The following WWOX variants were observed in gnomAD, a reference collection of about 807,000 sequenced individuals.
WWOX encodes WW domain containing oxidoreductase, also known as WW domain-containing oxidoreductase.
In WWOX, 69 loss-of-function variants were observed where a neutral mutation model predicts 46.2. That is an observed-to-expected ratio of 1.49 (90% CI 1.23 to 1.82). The LOEUF (loss-of-function observed/expected upper bound fraction) is 1.82, where lower values mean the gene tolerates loss of function less well. Among genes scored for constraint, WWOX ranks in the 40% most tolerant of loss-of-function variants. The pLI, the probability that WWOX is intolerant of heterozygous loss-of-function variation, is 0.00. For missense variants in WWOX, 919 were observed against 542.6 expected, an observed-to-expected ratio of 1.69 and a Z score of -6.89; for synonymous variants, 359 against 202.6, an observed-to-expected ratio of 1.77 and a Z score of -6.56.
intron 8 of WWOX, among the ~76,000 whole-genome samples, chr16:78,800,615 T>C (rs2050861300): frequency 6.6e-6 from 1 of 152,212 alleles, no homozygotes; most frequent in South Asian, 2.1e-4. Context: ...CTTTGCTAAA[T>C]GGCTTGCAGT....
At chr16:78,909,935 G>A (rs1328611628) in intron 8 of WWOX, among the ~76,000 whole-genome samples, 1 of 152,082 alleles carries the variant, frequency 6.6e-6, no homozygotes, top group Non-Finnish European at 1.5e-5. Flanking sequence ...GATATTTCTG[G>A]GGTTTCATCT....
At position 78,603,633 on chromosome 16, in the gene WWOX, G is replaced by T. The variant is rs540896075; in HGVS notation, c.1056+170881G>T. Among the ~76,000 whole-genome samples, 12 of 152,308 alleles carry T rather than the reference G, an allele frequency of 7.9e-5. No homozygotes were observed. The South Asian group carries it at 2.5e-3, about 32-fold the overall frequency. The stretch of plus-strand genomic sequence containing the variant: ...CGCTTGAACCCAGGAGGAGGAGGTT[G>T]CAGTGAACTAAGATTGTGCCACTGC... On this transcript the variant is annotated intron_variant, in intron 8 of 8. Transcript: ENST00000566780.
intron 8 of WWOX, among the ~76,000 whole-genome samples, chr16:78,700,926 C>G (rs531919684): frequency 6.6e-6 from 1 of 152,154 alleles, no homozygotes; most frequent in East Asian, 1.9e-4. Context: ...AGGCAGAGGG[C>G]AAGAAATTGA....
chr16:78,124,174 T>TA (rs2033254950), intron 4 of WWOX: 1 of 151,674 alleles, frequency 6.6e-6, no homozygotes, highest in Admixed American at 6.6e-5. Flanking sequence ...ATTTATATAA[T>TA]TTTTTTTTCA....
At chr16:78,913,788 A>G (rs2045174409) in intron 8 of WWOX, among the ~76,000 whole-genome samples, 1 of 151,742 alleles carries the variant, frequency 6.6e-6, no homozygotes, top group Non-Finnish European at 1.5e-5. Flanking sequence ...TAGCCTCCTG[A>G]ATAGCTGGGA....
chr16:78,473,256 A>G (rs149449316), intron 8 of WWOX, among the ~76,000 whole-genome samples: 1 of 152,188 alleles, frequency 6.6e-6, no homozygotes, highest in East Asian at 1.9e-4. Flanking sequence ...CAGCCTCCCA[A>G]GTGGCTTGGA....
chr16:78,992,949 T>C, intron 8 of WWOX, among the ~76,000 whole-genome samples: 1 of 7,782 alleles, frequency 1.3e-4, no homozygotes, highest in African/African-American at 1.8e-4. Context: ...TAGAGTCTCA[T>C]CTTTAAAAAA....
At chr16:78,754,608 T>C (rs569624150) in intron 8 of WWOX, among the ~76,000 whole-genome samples, 54 of 152,342 alleles carry the variant, frequency 3.5e-4, no homozygotes, top group Middle Eastern at 3.4e-3. Context: ...AGTCTTTGGA[T>C]GTTTTAATTA....
At chr16:79,037,967 C>T (rs2047900291) in intron 8 of WWOX, among the ~76,000 whole-genome samples, 2 of 152,004 alleles carry the variant, frequency 1.3e-5, no homozygotes, top group Non-Finnish European at 1.5e-5. Context: ...CTGTTCCTCC[C>T]CTACATAACC....
intron 8 of WWOX, among the ~76,000 whole-genome samples, chr16:78,477,906 A>C (rs1195805850): frequency 6.6e-6 from 1 of 152,222 alleles, no homozygotes; most frequent in Non-Finnish European, 1.5e-5. Context: ...GATATGGAAA[A>C]AGATATTCTG....
chr16:78,807,622 T>C (rs1249068832), intron 8 of WWOX, among the ~76,000 whole-genome samples: 1 of 152,240 alleles, frequency 6.6e-6, no homozygotes, highest in Non-Finnish European at 1.5e-5. Flanking sequence ...AGGAGCATTT[T>C]ATGGCTTATG....
At chr16:78,327,140 G>T (rs911071881) in intron 5 of WWOX, among the ~76,000 whole-genome samples, 7 of 152,276 alleles carry the variant, frequency 4.6e-5, no homozygotes, top group Middle Eastern at 6.8e-3. Context: ...TGAAGAATCT[G>T]GTGAAGGCCA....
chr16:78,672,832 A>G (rs1009468614), intron 8 of WWOX, among the ~76,000 whole-genome samples: 1 of 152,190 alleles, frequency 6.6e-6, no homozygotes, highest in African/African-American at 2.4e-5. Flanking sequence ...TCGGAGTTCT[A>G]TGGATTTTCA....
chr16:78,850,798 G>A (rs1597719832), intron 8 of WWOX, among the ~76,000 whole-genome samples: 1 of 152,172 alleles, frequency 6.6e-6, no homozygotes, highest in Admixed American at 6.5e-5. Context: ...CCTGGTCTTT[G>A]AGCCCCACTG....
intron 4 of WWOX, among the ~76,000 whole-genome samples, chr16:78,122,668 G>A (rs964326683): frequency 2.0e-5 from 3 of 150,816 alleles, no homozygotes; most frequent in African/African-American, 7.3e-5. Context: ...GCAGTGGCGT[G>A]ATCTCAGCTC....
chr16:78,971,653 ATTCCTTAGGG>A, intron 8 of WWOX, among the ~76,000 whole-genome samples: 1 of 152,046 alleles, frequency 6.6e-6, no homozygotes, highest in Admixed American at 6.6e-5. Context: ...TATCCCTTAT[ATTCCTTAGGG>A]TTCCTTTTTT....
intron 8 of WWOX, among the ~76,000 whole-genome samples, chr16:78,894,438 A>G (rs2044657208): frequency 6.6e-6 from 1 of 152,130 alleles, no homozygotes; most frequent in Admixed American, 6.6e-5. Flanking sequence ...AAAGTCCTAG[A>G]CTATTTTTTG....
At chr16:79,132,762 A>T (rs902953222) in intron 8 of WWOX, among the ~76,000 whole-genome samples, 1 of 152,250 alleles carries the variant, frequency 6.6e-6, no homozygotes, top group Non-Finnish European at 1.5e-5. Flanking sequence ...TTAATTCTAA[A>T]TTCAGTTTTG....
At chr16:79,053,440 C>G (rs2048206860) in intron 8 of WWOX, among the ~76,000 whole-genome samples, 1 of 152,058 alleles carries the variant, frequency 6.6e-6, no homozygotes, top group Non-Finnish European at 1.5e-5. Context: ...AATGAATATC[C>G]AATTCAATTT....
Sources: gnomAD v4.1 joint callset for allele counts (sites outside exome capture counted in the v4.1 genomes callset) on GRCh38, gnomAD v4.1.1 for gene constraint, MANE v1.5 for transcripts, NCBI Gene and HGNC (gene_info 2026-07-23, HGNC 2026-07-21) for gene names.